ANGPT2: variants seen among roughly 807,000 people sequenced by gnomAD.
The protein encoded by ANGPT2 is angiopoietin 2, also known as angiopoietin-2.
In ANGPT2, 28 loss-of-function variants were observed where a neutral mutation model predicts 62.9. That is an observed-to-expected ratio of 0.44 (90% CI 0.33 to 0.61). ANGPT2 has a LOEUF of 0.61. Ranked by LOEUF, ANGPT2 falls within the 20% of genes least tolerant of loss-of-function variation. ANGPT2 has a pLI of 0.03. For synonymous variants in ANGPT2, 284 were observed against 207.8 expected (o/e 1.37, Z -3.15); for missense variants, 727 against 594.9 (o/e 1.22, Z -2.31).
intron 7 of ANGPT2, among the ~76,000 whole-genome samples, chr8:6,510,587 C>T (rs1814852653): frequency 6.6e-6 from 1 of 152,208 alleles, no homozygotes; most frequent in Non-Finnish European, 1.5e-5. Flanking sequence ...TGGTGGCCGC[C>T]ATCTTTGTTT....
chr8:6,525,035 T>C (rs1407745992), intron 3 of ANGPT2, among the ~76,000 whole-genome samples: 1 of 152,268 alleles, frequency 6.6e-6, no homozygotes, highest in Non-Finnish European at 1.5e-5. Flanking sequence ...GCATTCGATT[T>C]CATGGCCTCT....
At chr8:6,532,293 G>A in intron 2 of ANGPT2, 39 bp downstream of exon 2, 3 of 1,613,046 alleles carry the variant, frequency 1.9e-6, no homozygotes, top group Non-Finnish European at 2.5e-6. Flanking sequence ...CTAGTCTCTA[G>A]CTGCAGGGAC....
chr8:6,509,935 A>G (rs1314045541), intron 7 of ANGPT2, among the ~76,000 whole-genome samples: 4 of 152,176 alleles, frequency 2.6e-5, no homozygotes, highest in Non-Finnish European at 5.9e-5. Context: ...ATCATGAGGG[A>G]GCATCGTGCC....
rs141543755 is a variant in ANGPT2 at position 6,547,059 on chromosome 8, G to T, written c.289-14572C>A. Among the ~76,000 whole-genome samples, 946 of 152,176 alleles carry T rather than the reference G, an allele frequency of 6.2e-3. 6 individuals carry two copies. Among genetic ancestry groups the T allele is most frequent in the African/African-American group, 0.021 (891 of 41,536 alleles). On this transcript the variant is annotated intron_variant, in intron 1 of 8. Coordinates refer to ENST00000629816, the MANE Select transcript of ANGPT2 (RefSeq NM_001118887.2). ...AACATGCACGTGTTCCGTGTGTACC[G>T]TGGTTGCCTTCGGGCTAATGCGTTT...
At position 6,503,038 on chromosome 8, in the gene ANGPT2, C is replaced by T. The variant is rs529664286; in HGVS notation, c.*63G>A. The stretch of plus-strand genomic sequence containing the variant: ...GGACACAGTGCGCAGCCGTGACTTT[C>T]AGTGCACTGGGCTTAAGTCTTTGAA... On this transcript the variant is annotated 3_prime_UTR_variant, in exon 9 of 9. Transcript: ENST00000629816. The T allele has an allele frequency of 5.6e-4, 895 of 1,592,344 alleles. 7 individuals are homozygous for T. The highest frequency in any genetic ancestry group is 3.7e-3 in the South Asian group (320 of 87,652).
At chr8:6,513,340 T>TTTTTTTTTTC in intron 7 of ANGPT2, among the ~76,000 whole-genome samples, 1 of 150,436 alleles carries the variant, frequency 6.6e-6, no homozygotes, top group African/African-American at 2.4e-5. Context: ...TTTTTCTTTT[T>TTTTTTTTTTC]TTTTTTTTTT....
chr8:6,510,443 T>C (rs1050124948), intron 7 of ANGPT2, among the ~76,000 whole-genome samples: 1 of 152,212 alleles, frequency 6.6e-6, no homozygotes, highest in African/African-American at 2.4e-5. Flanking sequence ...CACATTGGAA[T>C]AATATAATTT....
rs1563305264 is a variant in ANGPT2 at position 6,505,261 on chromosome 8, T to TATATATATGTATACATATATG, written c.1328-2001_1328-2000insCATATATGTATACATATATAT. Among the ~76,000 whole-genome samples, 4 of 116,682 alleles carry TATATATATGTATACATATATG rather than the reference T, an allele frequency of 3.4e-5. 1 individual carries two copies. Among genetic ancestry groups the TATATATATGTATACATATATG allele is most frequent in the African/African-American group, 1.5e-4 (4 of 27,342 alleles). The allele number at this position is 116,682 out of a possible 152,430, so 76.5% of individuals were successfully genotyped here. On this transcript the variant is annotated intron_variant, in intron 8 of 8. Coordinates refer to ENST00000629816, the MANE Select transcript of ANGPT2 (RefSeq NM_001118887.2). Reference sequence around the variant, plus strand: ...TAGAATATATATTCTTTATATATGTTTTATATATATGTATACATATATATG... The same window carrying TATATATATGTATACATATATG: ...TAGAATATATATTCTTTATATATGTTATATATATGTATACATATATGTTATATATATGTATACATATATATG...
At position 6,500,477 on chromosome 8, in the gene ANGPT2, G is replaced by A. The variant is rs1165301003; in HGVS notation, c.*2624C>T. 1 of 153,386 alleles carries A rather than the reference G, an allele frequency of 6.5e-6. No homozygotes were observed. The highest frequency in any genetic ancestry group is 1.4e-5 in the Non-Finnish European group (1 of 69,056). The allele number at this position is 153,386 out of a possible 1,614,324, so 9.5% of individuals were successfully genotyped here. A position where few individuals can be genotyped will look rare whatever the true frequency, so the allele number is the denominator to read the frequency against. The stretch of plus-strand genomic sequence containing the variant: ...GAAGTTGCCTTTCATGTTCAAAAAT[G>A]TTAATTTGTTTGTCACAGTTTATTC... On this transcript the variant is annotated 3_prime_UTR_variant, in exon 9 of 9. Coordinates refer to ENST00000629816, the MANE Select transcript of ANGPT2 (RefSeq NM_001118887.2).
At chr8:6,523,738 C>T (rs554502761) in intron 3 of ANGPT2, among the ~76,000 whole-genome samples, 38 of 152,228 alleles carry the variant, frequency 2.5e-4, no homozygotes, top group African/African-American at 8.2e-4. Flanking sequence ...TACAGGTGTG[C>T]CACCACGCCC....
chr8:6,528,683 C>T (rs6990020), intron 2 of ANGPT2, among the ~76,000 whole-genome samples: 85,152 of 152,140 alleles, frequency 0.56, 24,569 homozygotes, highest in East Asian at 0.81. Context: ...GAAGAATCGA[C>T]TACTCACTTC....
intron 1 of ANGPT2, 125 bp downstream of exon 1, chr8:6,562,520 GCT>G (rs1825688389): frequency 1.3e-6 from 1 of 791,628 alleles, no homozygotes; most frequent in Non-Finnish European, 1.8e-6. Context: ...CCAGCAACCC[GCT>G]CTCCAGCTCT....
intron 2 of ANGPT2, among the ~76,000 whole-genome samples, chr8:6,528,392 G>T (rs914569856): frequency 6.6e-6 from 1 of 152,124 alleles, no homozygotes. Flanking sequence ...ATATTTATTT[G>T]TCACTAGACA....
chr8:6,505,247 T>TG lies in ANGPT2; in HGVS notation c.1328-1987_1328-1986insC, dbSNP rs398006995. ...TTCTTATGTATATATAGAATATATA[T>TG]TCTTTATATATGTTTTATATATATG... On this transcript the variant is annotated intron_variant, in intron 8 of 8. Transcript: ENST00000629816. Among the ~76,000 whole-genome samples the TG allele has an allele frequency of 8.4e-4, 70 of 83,498 alleles. 13 individuals carry two copies. The highest frequency in any genetic ancestry group is 3.1e-3 in the African/African-American group (61 of 19,502). 54.8% of individuals were successfully genotyped at this position (83,498 alleles called of 152,430 possible).
At chr8:6,543,417 G>A (rs1821961838) in intron 1 of ANGPT2, among the ~76,000 whole-genome samples, 1 of 152,106 alleles carries the variant, frequency 6.6e-6, no homozygotes, top group Admixed American at 6.6e-5. Context: ...AGAGTAAATG[G>A]ATGCAAACAC....
At chr8:6,547,600 CA>C (rs1451914978) in intron 1 of ANGPT2, among the ~76,000 whole-genome samples, 8 of 152,174 alleles carry the variant, frequency 5.3e-5, no homozygotes, top group African/African-American at 1.9e-4. Context: ...ATGGCTGACT[CA>C]CTTGCCTCAT....
At chr8:6,530,729 A>G (rs1222995653) in intron 2 of ANGPT2, among the ~76,000 whole-genome samples, 1 of 152,150 alleles carries the variant, frequency 6.6e-6, no homozygotes, top group Non-Finnish European at 1.5e-5. Context: ...CCTGGTAGTC[A>G]AGTAATTTGT....
chr8:6,510,873 T>G (rs1307463097), intron 7 of ANGPT2, among the ~76,000 whole-genome samples: 3 of 152,146 alleles, frequency 2.0e-5, no homozygotes, highest in Non-Finnish European at 4.4e-5. Context: ...GACATGTGAG[T>G]CTCAGTATTT....
rs1812554064 is a variant in ANGPT2 at position 6,503,219 on chromosome 8, A to C, written c.1370T>G (p.Met457Arg). ...TGTGTTCTGCCTCTGTGGATAGTACATTCCGTTCAAGTTGGAAGGACCACA... is the reference window on the plus strand; with the variant it reads ...TGTGTTCTGCCTCTGTGGATAGTACCTTCCGTTCAAGTTGGAAGGACCACA... Reference protein sequence around the residue: ...DACGPSNLNGMYYPQRQNTNK... With the variant: ...DACGPSNLNGRYYPQRQNTNK... Residue 457 changes from methionine to arginine, a missense_variant, in exon 9 of 9, where the codon ATG becomes AGG. Physicochemically the swap from Met to Arg is moderately conservative, Grantham distance 91. Coordinates refer to ENST00000629816, the MANE Select transcript of ANGPT2 (RefSeq NM_001118887.2). 1.2e-6 allele frequency: 2 copies of C among 1,614,012 alleles called. No individual in the cohort carries two copies. The highest frequency in any genetic ancestry group is 2.2e-5 in the South Asian group (2 of 91,068).
Sources: gnomAD v4.1 joint callset for allele counts (sites outside exome capture counted in the v4.1 genomes callset) on GRCh38, gnomAD v4.1.1 for gene constraint, MANE v1.5 for transcripts, NCBI Gene and HGNC (gene_info 2026-07-23, HGNC 2026-07-21) for gene names.